USP34: variants seen among roughly 807,000 people sequenced by gnomAD.
USP34 encodes ubiquitin specific peptidase 34, also known as ubiquitin carboxyl-terminal hydrolase 34.
In USP34, 70 loss-of-function variants were observed where a neutral mutation model predicts 460.3. The ratio of observed to expected loss-of-function variants is 0.15; its 90% CI spans 0.13 to 0.19. The LOEUF is 0.19. USP34 is among the 10% of genes least tolerant of loss of function. The pLI is 1.00. For missense variants in USP34, 3,985 were observed against 4,236.2 expected, an observed-to-expected ratio of 0.94 and a Z score of 1.65; for synonymous variants, 1,647 against 1,405.3, an observed-to-expected ratio of 1.17 and a Z score of -3.85.
Position 61,343,797 on chromosome 2 carries a change from C to T in USP34, c.2500+18G>A. ...GTTGTGAAGAAGGTAATATATTTTACTTACTGTAGAGTCTTACCTTGACTA... is the reference window on the plus strand; with the variant it reads ...GTTGTGAAGAAGGTAATATATTTTATTTACTGTAGAGTCTTACCTTGACTA... On this transcript the variant is annotated intron_variant, in intron 16 of 79. Transcript: ENST00000398571. 6.2e-7 allele frequency: 1 copy of T among 1,606,112 alleles called. No individual in the cohort carries two copies. The highest frequency in any genetic ancestry group is 8.5e-7 in the Non-Finnish European group (1 of 1,173,046).
At chr2:61,199,881 G>A (rs1686918708) in intron 75 of USP34, 1 of 152,280 alleles carries the variant, frequency 6.6e-6, no homozygotes, top group Admixed American at 6.6e-5. Context: ...GTGAGAAAAG[G>A]TCTGTGATAT....
intron 1 of USP34, among the ~76,000 whole-genome samples, chr2:61,441,460 T>C (rs891505723): frequency 6.6e-6 from 1 of 151,846 alleles, no homozygotes; most frequent in South Asian, 2.1e-4. Context: ...CTAGAGCTGG[T>C]TGGGGGAAGA....
intron 3 of USP34, among the ~76,000 whole-genome samples, chr2:61,400,920 G>A (rs1286569059): frequency 6.6e-6 from 1 of 152,062 alleles, no homozygotes; most frequent in Non-Finnish European, 1.5e-5. Context: ...GGGAGGCCGA[G>A]ACAGGCAGGT....
chr2:61,436,435 C>A (rs2104011601), intron 1 of USP34, among the ~76,000 whole-genome samples: 1 of 152,200 alleles, frequency 6.6e-6, no homozygotes, highest in Admixed American at 6.5e-5. Flanking sequence ...AAACAGACTT[C>A]AAGCCAAAAG....
At chr2:61,330,900 GTTAA>G (rs1456433864) in intron 20 of USP34, among the ~76,000 whole-genome samples, 1 of 152,042 alleles carries the variant, frequency 6.6e-6, no homozygotes, top group Non-Finnish European at 1.5e-5. Context: ...TAAATTAACT[GTTAA>G]TTATTTTTGA....
chr2:61,243,961 T>C (rs1688351136), intron 51 of USP34, among the ~76,000 whole-genome samples: 1 of 152,076 alleles, frequency 6.6e-6, no homozygotes, highest in Non-Finnish European at 1.5e-5. Context: ...TACTTCCCTA[T>C]TCTACCCATT....
intron 1 of USP34, among the ~76,000 whole-genome samples, chr2:61,452,861 C>T (rs1300368486): frequency 6.7e-6 from 1 of 149,976 alleles, no homozygotes; most frequent in Non-Finnish European, 1.5e-5. Flanking sequence ...TACACTCCAG[C>T]CCTTAGAGAC....
At chr2:61,319,594 T>TA (rs1224082955) in intron 21 of USP34, among the ~76,000 whole-genome samples, 9 of 149,028 alleles carry the variant, frequency 6.0e-5, no homozygotes, top group Non-Finnish European at 1.3e-4. Flanking sequence ...TCTGTAATCC[T>TA]AGCACTTTGG....
chr2:61,239,183 C>G (rs1350527797), intron 53 of USP34, among the ~76,000 whole-genome samples: 2 of 151,830 alleles, frequency 1.3e-5, no homozygotes, highest in Non-Finnish European at 2.9e-5. Context: ...GGAATTAGGC[C>G]AATTAACAAC....
At chr2:61,467,513 C>T (rs1436190851) in intron 1 of USP34, among the ~76,000 whole-genome samples, 4 of 151,230 alleles carry the variant, frequency 2.6e-5, no homozygotes, top group Non-Finnish European at 4.4e-5. Context: ...ACACACCACC[C>T]AAAAATATGC....
intron 20 of USP34, among the ~76,000 whole-genome samples, chr2:61,330,545 G>T (rs1213390049): frequency 6.6e-6 from 1 of 152,152 alleles, no homozygotes; most frequent in Non-Finnish European, 1.5e-5. Context: ...CCACCTTTGT[G>T]GAAGTTTTCT....
At position 61,214,489 on chromosome 2, in the gene USP34, C is replaced by T; in HGVS notation, c.8253G>A (p.Lys2751=). The change falls in exon 68 of 80, where the codon AAG becomes AAA. Residue 2751 remains lysine (K), a synonymous_variant. Transcript: ENST00000398571. ...TCATAAAGCTAAAATAGGGCACTAGCTTTGTAGTGCCATGAACAGCAGCAT... is the reference window on the plus strand; with the variant it reads ...TCATAAAGCTAAAATAGGGCACTAGTTTTGTAGTGCCATGAACAGCAGCAT... ...YVDAAVHGTT[K]LVPYFSFMTY... 1 of 1,613,760 alleles carries T rather than the reference C, an allele frequency of 6.2e-7. No individual in the cohort carries two copies. The highest frequency in any genetic ancestry group is 8.5e-7 in the Non-Finnish European group (1 of 1,179,902).
chr2:61,393,080 A>G (rs72813592), intron 5 of USP34, among the ~76,000 whole-genome samples: 18,791 of 152,266 alleles, frequency 0.12, 1,556 homozygotes, highest in South Asian at 0.35. Context: ...TTAAACCTCA[A>G]AACAATCCTC....
chr2:61,360,030 G>C (rs566368771), intron 10 of USP34, among the ~76,000 whole-genome samples: 1 of 151,692 alleles, frequency 6.6e-6, no homozygotes, highest in African/African-American at 2.4e-5. Context: ...CGATCCACCC[G>C]CCTCAGCTTC....
At chr2:61,363,025 C>T (rs1036372426) in intron 10 of USP34, among the ~76,000 whole-genome samples, 1 of 152,054 alleles carries the variant, frequency 6.6e-6, no homozygotes, top group African/African-American at 2.4e-5. Context: ...CCAAACAAAA[C>T]CCAATCAAAA....
At chr2:61,305,079 A>G (rs1392826390) in intron 27 of USP34, among the ~76,000 whole-genome samples, 2 of 152,160 alleles carry the variant, frequency 1.3e-5, no homozygotes, top group Non-Finnish European at 1.5e-5. Context: ...TAATCCCAGC[A>G]CTTTGGGAGG....
At chr2:61,287,862 A>G (rs939721021) in intron 34 of USP34, among the ~76,000 whole-genome samples, 2 of 152,052 alleles carry the variant, frequency 1.3e-5, no homozygotes, top group African/African-American at 4.8e-5. Context: ...TAACTCCTCT[A>G]TTTTTCAAGG....
chr2:61,381,606 G>A (rs570549466), intron 6 of USP34, among the ~76,000 whole-genome samples: 1 of 152,048 alleles, frequency 6.6e-6, no homozygotes, highest in Non-Finnish European at 1.5e-5. Context: ...AAAAGTGCTG[G>A]GATTACAGGC....
intron 1 of USP34, among the ~76,000 whole-genome samples, chr2:61,456,984 A>C (rs1695459688): frequency 6.6e-6 from 1 of 151,800 alleles, no homozygotes; most frequent in East Asian, 1.9e-4. Flanking sequence ...CTGTCTGAAA[A>C]AACTAAACAG....
Sources: allele counts gnomAD v4.1 joint callset (sites outside exome capture counted in the v4.1 genomes callset), GRCh38; gene constraint gnomAD v4.1.1; transcripts MANE v1.5; gene names NCBI Gene and HGNC (gene_info 2026-07-23, HGNC 2026-07-21).